BMAL2: variants seen among roughly 807,000 people sequenced by gnomAD.
The protein encoded by BMAL2 is basic helix-loop-helix ARNT-like protein 2.
At chr12:27,396,600 GC>G in the BMAL2 span, among the ~76,000 whole-genome samples, 1 of 152,198 alleles carries the variant, frequency 6.6e-6, no homozygotes, top group Non-Finnish European at 1.5e-5. Context: ...GAGGGAGTGG[GC>G]GCCTGCTGTA....
chr12:27,398,960 G>T, the BMAL2 span, among the ~76,000 whole-genome samples: 2 of 152,162 alleles, frequency 1.3e-5, no homozygotes, highest in African/African-American at 2.4e-5. Flanking sequence ...TGGGTTGTTA[G>T]GGGGAGGTAG....
At chr12:27,420,648 C>G in the BMAL2 span, 2 of 1,194,656 alleles carry the variant, frequency 1.7e-6, no homozygotes, top group Non-Finnish European at 2.2e-6. Flanking sequence ...TATTAATGTT[C>G]TACCACTTTT....
the BMAL2 span, among the ~76,000 whole-genome samples, chr12:27,353,284 C>T: frequency 2.0e-5 from 3 of 152,302 alleles, no homozygotes; most frequent in African/African-American, 7.2e-5. Context: ...ACACCTACAA[C>T]CATCTGATCT....
the BMAL2 span, among the ~76,000 whole-genome samples, chr12:27,345,820 C>A: frequency 6.6e-6 from 1 of 152,064 alleles, no homozygotes; most frequent in Non-Finnish European, 1.5e-5. Flanking sequence ...TTGTTTTGTT[C>A]TTTTTCCCCT....
At chr12:27,420,700 C>A in the BMAL2 span, 1 of 777,932 alleles carries the variant, frequency 1.3e-6, no homozygotes, top group East Asian at 3.3e-5. Flanking sequence ...TGGGGAAATA[C>A]GTTTTCCTCC....
chr12:27,379,108 G>A, the BMAL2 span, among the ~76,000 whole-genome samples: 2 of 152,166 alleles, frequency 1.3e-5, no homozygotes, highest in Admixed American at 1.3e-4. Context: ...CCATCCTGGA[G>A]CACAGTTTGG....
At chr12:27,393,867 G>A in the BMAL2 span, among the ~76,000 whole-genome samples, 1 of 152,136 alleles carries the variant, frequency 6.6e-6, no homozygotes, top group Non-Finnish European at 1.5e-5. Context: ...AGTGGGTGGT[G>A]GAAAGTGTGA....
the BMAL2 span, chr12:27,403,349 C>T: frequency 2.1e-6 from 2 of 932,790 alleles, no homozygotes; most frequent in Non-Finnish European, 3.4e-6. Context: ...TAGTCTGTTT[C>T]TTTTAAGGAG....
At chr12:27,398,892 C>G in the BMAL2 span, among the ~76,000 whole-genome samples, 1 of 152,154 alleles carries the variant, frequency 6.6e-6, no homozygotes, top group Admixed American at 6.5e-5. Flanking sequence ...TGCCATCTAG[C>G]TTTGTTAAAT....
At chr12:27,356,082 A>G in the BMAL2 span, among the ~76,000 whole-genome samples, 1 of 152,180 alleles carries the variant, frequency 6.6e-6, no homozygotes, top group African/African-American at 2.4e-5. Context: ...TTCCCTGTCC[A>G]GGCTTAGCAG....
the BMAL2 span, among the ~76,000 whole-genome samples, chr12:27,365,673 T>C: frequency 4.6e-5 from 7 of 151,826 alleles, no homozygotes; most frequent in Admixed American, 4.6e-4. Context: ...TTTTTAATGG[T>C]ATTTTATTAT....
the BMAL2 span, among the ~76,000 whole-genome samples, chr12:27,349,958 T>G: frequency 1.3e-5 from 2 of 152,156 alleles, no homozygotes; most frequent in African/African-American, 4.8e-5. Context: ...TGTGGGACAG[T>G]GTTTTCATTG....
At chr12:27,411,857 AATTT>A in the BMAL2 span, among the ~76,000 whole-genome samples, 2 of 152,198 alleles carry the variant, frequency 1.3e-5, no homozygotes, top group African/African-American at 4.8e-5. Flanking sequence ...TATATACTCC[AATTT>A]ATTTATTTAT....
chr12:27,340,750 G>GT, the BMAL2 span, among the ~76,000 whole-genome samples: 3 of 152,154 alleles, frequency 2.0e-5, no homozygotes, highest in African/African-American at 7.2e-5. Context: ...AGCATGGAAT[G>GT]TTTTTCCATT....
chr12:27,401,346 C>G, the BMAL2 span: 1 of 1,613,852 alleles, frequency 6.2e-7, no homozygotes. Flanking sequence ...AATAATTTGA[C>G]TGACAAGCAC....
At chr12:27,380,092 G>A in the BMAL2 span, among the ~76,000 whole-genome samples, 1 of 152,266 alleles carries the variant, frequency 6.6e-6, no homozygotes, top group South Asian at 2.1e-4. Context: ...TCTCAGCAGC[G>A]CTTTCCTCTT....
At chr12:27,356,601 AATG>A in the BMAL2 span, among the ~76,000 whole-genome samples, 1 of 152,200 alleles carries the variant, frequency 6.6e-6, no homozygotes, top group Non-Finnish European at 1.5e-5. Flanking sequence ...GGGAAGTAGA[AATG>A]AGAAAAATCC....
At chr12:27,389,150 T>C in the BMAL2 span, 1 of 1,425,096 alleles carries the variant, frequency 7.0e-7, no homozygotes, top group Non-Finnish European at 9.9e-7. Flanking sequence ...ATGGTACTGA[T>C]TTTAAATGAA....
At chr12:27,410,182 T>C in the BMAL2 span, among the ~76,000 whole-genome samples, 4 of 152,106 alleles carry the variant, frequency 2.6e-5, no homozygotes, top group African/African-American at 4.8e-5. Context: ...TGGAAGTCAG[T>C]GTGGCGATTC....
Sources: allele counts gnomAD v4.1 joint callset (sites outside exome capture counted in the v4.1 genomes callset), GRCh38; gene constraint gnomAD v4.1.1; transcripts MANE v1.5; gene names NCBI Gene and HGNC (gene_info 2026-07-23, HGNC 2026-07-21).